Variants in PTPRT observed in about 807,000 individuals in gnomAD.
PTPRT encodes the protein receptor-type tyrosine-protein phosphatase T.
A neutral mutation model predicts 176.8 loss-of-function variants in PTPRT; 56 were observed. That is an observed-to-expected ratio of 0.32 (90% CI 0.26 to 0.40). The LOEUF is 0.40. Among genes scored for constraint, PTPRT ranks in the 10% least tolerant of loss-of-function variants. PTPRT has a pLI of 1.00. For missense variants in PTPRT, 1,540 were observed against 1,908.2 expected (o/e 0.81, Z 3.60); for synonymous variants, 783 against 739.0 (o/e 1.06, Z -0.96).
chr20:42,748,891 A>G (rs1456739765), intron 6 of PTPRT, among the ~76,000 whole-genome samples: 2 of 152,278 alleles, frequency 1.3e-5, no homozygotes, highest in South Asian at 4.1e-4. Context: ...CGGTCACAGC[A>G]GTTACTCACT....
chr20:42,693,076 A>G (rs116688970), intron 6 of PTPRT, among the ~76,000 whole-genome samples: 24 of 152,232 alleles, frequency 1.6e-4, no homozygotes, highest in Non-Finnish European at 2.6e-4. Flanking sequence ...AATAACAAAC[A>G]AATTGAATAA....
chr20:42,238,692 G>A (rs1469046606), intron 14 of PTPRT, among the ~76,000 whole-genome samples: 1 of 152,168 alleles, frequency 6.6e-6, no homozygotes, highest in East Asian at 1.9e-4. Context: ...TGCTCATTGT[G>A]ACATCTTGGG....
At chr20:42,669,611 G>A (rs1008612068) in intron 7 of PTPRT, among the ~76,000 whole-genome samples, 5 of 152,128 alleles carry the variant, frequency 3.3e-5, no homozygotes, top group East Asian at 1.9e-4. Context: ...AGATGGTGCC[G>A]CCAAGGCATA....
chr20:42,784,024 T>C (rs972133396), intron 3 of PTPRT, among the ~76,000 whole-genome samples: 1 of 152,154 alleles, frequency 6.6e-6, no homozygotes, highest in Non-Finnish European at 1.5e-5. Context: ...AAGGCTGCCA[T>C]GTGGACCTAC....
At chr20:43,188,138 G>A (rs1470616010) in intron 1 of PTPRT, among the ~76,000 whole-genome samples, 3 of 152,104 alleles carry the variant, frequency 2.0e-5, no homozygotes, top group African/African-American at 7.2e-5. Flanking sequence ...ATCATGCCTG[G>A]ATCCCCAGGA....
chr20:42,844,046 T>C (rs1330753450), intron 2 of PTPRT, among the ~76,000 whole-genome samples: 2 of 152,204 alleles, frequency 1.3e-5, no homozygotes, highest in South Asian at 2.1e-4. Flanking sequence ...GTTAAGTGTA[T>C]GTATTGAGGA....
chr20:43,022,126 G>A (rs1028269292), intron 1 of PTPRT, among the ~76,000 whole-genome samples: 1 of 152,216 alleles, frequency 6.6e-6, no homozygotes, highest in Non-Finnish European at 1.5e-5. Context: ...TTTGAAGCTA[G>A]ACACATTTTC....
intron 20 of PTPRT, among the ~76,000 whole-genome samples, chr20:42,119,013 GAA>G (rs11415242): frequency 2.6e-3 from 76 of 29,208 alleles, no homozygotes; most frequent in African/African-American, 6.7e-3. Context: ...AGAAAGGAAG[GAA>G]AAAAAAAAAA....
At chr20:42,217,412 CACACACACACACAG>C (rs750737936) in intron 15 of PTPRT, among the ~76,000 whole-genome samples, 2,015 of 94,610 alleles carry the variant, frequency 0.021, 31 homozygotes, top group Middle Eastern at 0.029. Flanking sequence ...CACACACACA[CACACACACACACAG>C]AACATTACGT....
intron 17 of PTPRT, among the ~76,000 whole-genome samples, chr20:42,143,235 T>C (rs192674061): frequency 0.01 from 1,540 of 152,030 alleles, 12 homozygotes; most frequent in Non-Finnish European, 0.015. Context: ...GGGAGGGGCA[T>C]GGAGGAAGCA....
chr20:42,512,569 A>G (rs368829039), intron 7 of PTPRT, among the ~76,000 whole-genome samples: 13 of 152,154 alleles, frequency 8.5e-5, no homozygotes, highest in Admixed American at 8.5e-4. Flanking sequence ...TTATGAATAG[A>G]TCTGCTATAA....
intron 2 of PTPRT, among the ~76,000 whole-genome samples, chr20:42,872,881 GGATGAGTTCCCAGGGATGCTT>G (rs1294506923): frequency 3.3e-5 from 5 of 152,096 alleles, no homozygotes; most frequent in Non-Finnish European, 7.4e-5. Context: ...GACAGATCTG[GGATGAGTTCCCAGGGATGCTT>G]CCTTAGCCAC....
intron 7 of PTPRT, among the ~76,000 whole-genome samples, chr20:42,561,542 A>G (rs1744428502): frequency 6.6e-6 from 1 of 152,156 alleles, no homozygotes; most frequent in Non-Finnish European, 1.5e-5. Flanking sequence ...AAGTTCTCCT[A>G]GATTATATTT....
chr20:42,700,415 C>G (rs1284674041), intron 6 of PTPRT, among the ~76,000 whole-genome samples: 2 of 150,982 alleles, frequency 1.3e-5, no homozygotes, highest in Non-Finnish European at 1.5e-5. Flanking sequence ...GCTTAGGAAA[C>G]AGACGCAGAG....
At chr20:43,086,056 G>C (rs756903536) in intron 1 of PTPRT, among the ~76,000 whole-genome samples, 1 of 152,042 alleles carries the variant, frequency 6.6e-6, no homozygotes. Context: ...GGAATTACAC[G>C]ATGGCCCAAG....
At chr20:42,877,219 A>G (rs886532929) in intron 2 of PTPRT, among the ~76,000 whole-genome samples, 2 of 152,006 alleles carry the variant, frequency 1.3e-5, no homozygotes, top group African/African-American at 4.8e-5. Context: ...CACAAACACC[A>G]TGGCCAGACA....
At chr20:42,615,558 G>T (rs1362030467) in intron 7 of PTPRT, among the ~76,000 whole-genome samples, 1 of 137,918 alleles carries the variant, frequency 7.3e-6, no homozygotes, top group Non-Finnish European at 1.5e-5. Flanking sequence ...CACCAACAGT[G>T]TAAAAGTGTT....
At chr20:42,109,759 A>AAAT (rs996774954) in intron 23 of PTPRT, among the ~76,000 whole-genome samples, 4 of 152,212 alleles carry the variant, frequency 2.6e-5, no homozygotes, top group Non-Finnish European at 5.9e-5. Context: ...GACGAGAAGT[A>AAAT]AATAATGTGG....
At chr20:42,287,636 G>A (rs2057252862) in intron 12 of PTPRT, among the ~76,000 whole-genome samples, 1 of 151,770 alleles carries the variant, frequency 6.6e-6, no homozygotes, top group Non-Finnish European at 1.5e-5. Flanking sequence ...CTAGATAGAA[G>A]GAATAAGTTC....
Sources: allele counts gnomAD v4.1 joint callset (sites outside exome capture counted in the v4.1 genomes callset), GRCh38; gene constraint gnomAD v4.1.1; transcripts MANE v1.5; gene names NCBI Gene and HGNC (gene_info 2026-07-23, HGNC 2026-07-21).